The following TMED10 variants were observed in gnomAD, a reference collection of about 807,000 sequenced individuals.
TMED10 encodes the protein transmembrane emp24 domain-containing protein 10.
A neutral mutation model predicts 23.1 loss-of-function variants in TMED10; 7 were observed. That is an observed-to-expected ratio of 0.30 (90% CI 0.17 to 0.57). The LOEUF is 0.57. Among genes scored for constraint, TMED10 ranks in the 20% least tolerant of loss-of-function variants. The pLI is 0.91. For missense variants in TMED10, 162 were observed against 274.8 expected (o/e 0.59, Z 2.90); for synonymous variants, 113 against 106.9 (o/e 1.06, Z -0.35).
intron 1 of TMED10, among the ~76,000 whole-genome samples, chr14:75,158,609 G>T (rs763647668): frequency 1.1e-4 from 17 of 151,930 alleles, no homozygotes; most frequent in Non-Finnish European, 2.1e-4. Context: ...TTACAGGCAT[G>T]AGCCACCGTG....
chr14:75,170,711 G>A (rs1409504495), intron 1 of TMED10, among the ~76,000 whole-genome samples: 4 of 152,146 alleles, frequency 2.6e-5, no homozygotes, highest in African/African-American at 9.7e-5. Flanking sequence ...TCCTTACTCT[G>A]ACAATTATCA....
Position 75,134,771 on chromosome 14 carries a change from AG to A in TMED10, c.*113del. The A allele has an allele frequency of 6.9e-7, 1 of 1,445,184 alleles. No homozygotes were observed. 89.5% of individuals were successfully genotyped at this position (1,445,184 alleles called of 1,614,324 possible). ...ACACCAAAAGAGATCAGTTCTGGCA[AG>A]AAAGCTCCAACGTGCCTTGATGGTG... On this transcript the variant is annotated 3_prime_UTR_variant, in exon 5 of 5. Transcript: ENST00000303575.
At chr14:75,171,707 A>G (rs1013334598) in intron 1 of TMED10, among the ~76,000 whole-genome samples, 1 of 152,266 alleles carries the variant, frequency 6.6e-6, no homozygotes, top group Non-Finnish European at 1.5e-5. Flanking sequence ...TGGCTCTGCC[A>G]AAACCCTGAT....
At chr14:75,170,151 CCG>C (rs780882600) in intron 1 of TMED10, among the ~76,000 whole-genome samples, 18 of 152,226 alleles carry the variant, frequency 1.2e-4, no homozygotes, top group Admixed American at 2.0e-4. Flanking sequence ...GGTGTGAACC[CCG>C]GGGAGCAGAG....
intron 1 of TMED10, among the ~76,000 whole-genome samples, chr14:75,170,396 C>G (rs1327509365): frequency 6.6e-6 from 1 of 152,096 alleles, no homozygotes; most frequent in Non-Finnish European, 1.5e-5. Context: ...CAAAAAGGAA[C>G]TAGAATTCCT....
chr14:75,135,050 C>A, intron 4 of TMED10, 44 bp from the exon 5 acceptor site: 1 of 1,608,710 alleles, frequency 6.2e-7, no homozygotes. Flanking sequence ...AAGTGAGCCT[C>A]CTCAGCTGGC....
At chr14:75,144,045 C>G (rs1363523074) in intron 3 of TMED10, among the ~76,000 whole-genome samples, 1 of 151,812 alleles carries the variant, frequency 6.6e-6, no homozygotes, top group Non-Finnish European at 1.5e-5. Flanking sequence ...GTTGCTCCAA[C>G]CAGGGCAGCT....
At chr14:75,160,369 C>T (rs1896071455) in intron 1 of TMED10, among the ~76,000 whole-genome samples, 3 of 152,220 alleles carry the variant, frequency 2.0e-5, no homozygotes, top group South Asian at 2.1e-4. Flanking sequence ...TAACCAGAGC[C>T]AGCAAAGTCT....
intron 3 of TMED10, among the ~76,000 whole-genome samples, chr14:75,141,318 G>C (rs906580397): frequency 6.6e-6 from 1 of 152,146 alleles, no homozygotes; most frequent in Admixed American, 6.5e-5. Context: ...GAATAGTCTA[G>C]ACATAAGTAG....
intron 3 of TMED10, among the ~76,000 whole-genome samples, chr14:75,142,119 C>T (rs1895829953): frequency 6.6e-6 from 1 of 152,132 alleles, no homozygotes; most frequent in South Asian, 2.1e-4. Context: ...GTATTCTATT[C>T]TACTCTCCTT....
chr14:75,160,798 C>A (rs2139851316), intron 1 of TMED10, among the ~76,000 whole-genome samples: 1 of 152,306 alleles, frequency 6.6e-6, no homozygotes, highest in East Asian at 1.9e-4. Flanking sequence ...GTAATCCCAG[C>A]ACTTTGGGAG....
rs924474474 is a variant in TMED10 at position 75,151,116 on chromosome 14, G to A, written c.337+916C>T. 3.9e-5 allele frequency among the ~76,000 whole-genome samples: 6 copies of A among 152,280 alleles called. No homozygotes were observed. In the East Asian group the frequency reaches 1.2e-3, roughly 29 times the overall value. ...AGATGGGGTTTCGCCATGTTGGCCAGGCTGGTCTCAAACTCCTGGCCTCAG... is the reference window on the plus strand; with the variant it reads ...AGATGGGGTTTCGCCATGTTGGCCAAGCTGGTCTCAAACTCCTGGCCTCAG... On this transcript the variant is annotated intron_variant, in intron 2 of 4. Transcript: ENST00000303575.
chr14:75,154,401 C>CGAAAAAAAA lies in TMED10; in HGVS notation c.226-2259_226-2258insTTTTTTTTC, dbSNP rs1246155366. On this transcript the variant is annotated intron_variant, in intron 1 of 4. Coordinates refer to ENST00000303575, the MANE Select transcript of TMED10 (RefSeq NM_006827.6). ...TGGGCAACACAGCGAGACTCTGTCT[C>CGAAAAAAAA]AAAAAAAAAAAAAAAAAAAAAAAAA... Among the ~76,000 whole-genome samples, 13 of 15,254 alleles carry CGAAAAAAAA rather than the reference C, an allele frequency of 8.5e-4. 1 individual carries two copies. Among genetic ancestry groups the CGAAAAAAAA allele is most frequent in the African/African-American group, 3.1e-3 (13 of 4,198 alleles). 10.0% of individuals were successfully genotyped at this position (15,254 alleles called of 152,430 possible).
chr14:75,174,769 G>A (rs1356490485), intron 1 of TMED10, among the ~76,000 whole-genome samples: 1 of 151,934 alleles, frequency 6.6e-6, no homozygotes, highest in Non-Finnish European at 1.5e-5. Context: ...GAGGCCAGGC[G>A]CGGTGGCTTA....
chr14:75,175,006 C>T (rs1198936440), intron 1 of TMED10, among the ~76,000 whole-genome samples: 1 of 144,892 alleles, frequency 6.9e-6, no homozygotes, highest in Non-Finnish European at 1.5e-5. Flanking sequence ...CGCCACAGCA[C>T]TCCAGCCTGG....
Position 75,176,604 on chromosome 14 carries a change from G to A in TMED10, c.-25C>T, listed in dbSNP as rs746420107. On this transcript the variant is annotated 5_prime_UTR_variant, in exon 1 of 5. Transcript: ENST00000303575. ...TGGTGCTGGAGACTCGTTCACCACC[G>A]AAGGCCTCAACCGCGCCGGAACCGG... is the stretch of plus-strand genomic sequence containing the variant. 3.7e-6 allele frequency: 6 copies of A among 1,612,718 alleles called. No homozygotes were observed. The highest frequency in any genetic ancestry group is 2.2e-5 in the East Asian group (1 of 44,848).
rs1381049774 is a variant in TMED10, at chr14:75,132,387, C to T, written c.*2498G>A. ...TGGGCGTTGCAGCAAGACTCCGTCC[C>T]CCCCCCCCCAAAAAAAAAAAAGTTT... On this transcript the variant is annotated 3_prime_UTR_variant, in exon 5 of 5. Coordinates refer to ENST00000303575, the MANE Select transcript of TMED10 (RefSeq NM_006827.6). The T allele has an allele frequency of 8.7e-6, 1 of 115,594 alleles. No homozygotes were observed. The highest frequency in any genetic ancestry group is 3.2e-5 in the African/African-American group (1 of 31,346). 7.2% of individuals were successfully genotyped at this position (115,594 alleles called of 1,614,324 possible).
At chr14:75,169,736 C>T (rs1896207458) in intron 1 of TMED10, among the ~76,000 whole-genome samples, 1 of 152,220 alleles carries the variant, frequency 6.6e-6, no homozygotes, top group Non-Finnish European at 1.5e-5. Flanking sequence ...GTCTCCAGTT[C>T]TCCTCCTACC....
intron 1 of TMED10, among the ~76,000 whole-genome samples, chr14:75,167,005 G>A (rs1176503225): frequency 1.4e-5 from 2 of 147,186 alleles, no homozygotes; most frequent in Non-Finnish European, 3.0e-5. Context: ...GCAGTGGCGT[G>A]ATCTCGGCTC....
Sources: allele counts gnomAD v4.1 joint callset (sites outside exome capture counted in the v4.1 genomes callset), GRCh38; gene constraint gnomAD v4.1.1; transcripts MANE v1.5; gene names NCBI Gene and HGNC (gene_info 2026-07-23, HGNC 2026-07-21).